The following L3MBTL4 variants were observed in gnomAD, a reference collection of about 807,000 sequenced individuals.
The protein encoded by L3MBTL4 is L3MBTL histone methyl-lysine binding protein 4.
In L3MBTL4, 70 loss-of-function variants were observed where a neutral mutation model predicts 84.5. That is an observed-to-expected ratio of 0.83 (90% CI 0.68 to 1.01). The LOEUF (loss-of-function observed/expected upper bound fraction) is 1.01, where lower values mean the gene tolerates loss of function less well. L3MBTL4 is among the 50% of genes least tolerant of loss of function. The pLI, the probability that L3MBTL4 is intolerant of heterozygous loss-of-function variation, is 0.00. For synonymous variants in L3MBTL4, 274 were observed against 259.8 expected, an observed-to-expected ratio of 1.05 and a Z score of -0.52; for missense variants, 715 against 754.8, an observed-to-expected ratio of 0.95 and a Z score of 0.62.
chr18:6,037,037 A>C (rs1023902406), intron 16 of L3MBTL4, among the ~76,000 whole-genome samples: 3 of 152,230 alleles, frequency 2.0e-5, no homozygotes, highest in Non-Finnish European at 2.9e-5. Flanking sequence ...GAGTCACTTC[A>C]GTTGGTGGGG....
At chr18:6,169,823 T>TA in intron 13 of L3MBTL4, among the ~76,000 whole-genome samples, 1 of 150,716 alleles carries the variant, frequency 6.6e-6, no homozygotes, top group East Asian at 1.9e-4. Flanking sequence ...AAACTTAAAG[T>TA]ATAATAATAA....
At chr18:6,207,235 G>A (rs2145727710) in intron 12 of L3MBTL4, among the ~76,000 whole-genome samples, 1 of 152,214 alleles carries the variant, frequency 6.6e-6, no homozygotes, top group East Asian at 1.9e-4. Flanking sequence ...AGACCACATG[G>A]CCCACAAAGC....
At chr18:6,369,520 C>T (rs1392293235) in intron 1 of L3MBTL4, among the ~76,000 whole-genome samples, 2 of 152,046 alleles carry the variant, frequency 1.3e-5, no homozygotes, top group Non-Finnish European at 2.9e-5. Flanking sequence ...AGGGATCACT[C>T]TATACAAGGG....
intron 4 of L3MBTL4, among the ~76,000 whole-genome samples, chr18:6,275,205 A>T (rs2049031161): frequency 2.0e-5 from 3 of 152,228 alleles, no homozygotes; most frequent in South Asian, 4.2e-4. Flanking sequence ...GAGCCTAGTG[A>T]CCTGCAGCAT....
intron 1 of L3MBTL4, among the ~76,000 whole-genome samples, chr18:6,353,665 A>AT (rs1322274559): frequency 2.0e-5 from 3 of 152,128 alleles, no homozygotes; most frequent in Non-Finnish European, 4.4e-5. Context: ...CTGAAAGAGA[A>AT]TTTTTTTAAA....
chr18:5,956,399 T>G lies in L3MBTL4; in HGVS notation c.1678-12A>C, dbSNP rs1157084810. The G allele has an allele frequency of 6.2e-7, 1 of 1,612,142 alleles. No homozygotes were observed. The highest frequency in any genetic ancestry group is 8.5e-7 in the Non-Finnish European group (1 of 1,179,248). ...TTGCCATCGATCTGCTGCAAATACA[T>G]AAATAGACACAAATAAAAATGTTTT... On this transcript the variant is annotated splice_polypyrimidine_tract_variant and intron_variant, in intron 18 of 18. Coordinates refer to ENST00000317931, the MANE Select transcript of L3MBTL4 (RefSeq NM_001330559.2).
intron 5 of L3MBTL4, among the ~76,000 whole-genome samples, chr18:6,255,372 C>T (rs1392043375): frequency 6.6e-6 from 1 of 152,230 alleles, no homozygotes; most frequent in African/African-American, 2.4e-5. Context: ...TTCAGATCTG[C>T]TCAACTATTT....
chr18:6,052,967 G>A (rs906276682), intron 16 of L3MBTL4, among the ~76,000 whole-genome samples: 1 of 152,200 alleles, frequency 6.6e-6, no homozygotes, highest in African/African-American at 2.4e-5. Flanking sequence ...CCAGCAGGAC[G>A]TCCCGTTAAT....
intron 12 of L3MBTL4, among the ~76,000 whole-genome samples, chr18:6,188,490 G>A (rs970158567): frequency 1.3e-5 from 2 of 152,154 alleles, no homozygotes; most frequent in Non-Finnish European, 2.9e-5. Context: ...TGAACTCACT[G>A]TGGATACTAA....
At chr18:6,322,278 C>A (rs1287012913) in intron 1 of L3MBTL4, among the ~76,000 whole-genome samples, 1 of 151,484 alleles carries the variant, frequency 6.6e-6, no homozygotes, top group African/African-American at 2.4e-5. Flanking sequence ...GTCAAGACTT[C>A]AGTGAGCCAG....
intron 1 of L3MBTL4, among the ~76,000 whole-genome samples, chr18:6,398,818 G>T (rs4798442): frequency 0.64 from 96,444 of 151,592 alleles, 31,151 homozygotes; most frequent in East Asian, 0.8. Flanking sequence ...GTAGAGGCCC[G>T]AAAGACATGC....
chr18:6,027,620 C>G (rs544706298), intron 16 of L3MBTL4, among the ~76,000 whole-genome samples: 6 of 152,338 alleles, frequency 3.9e-5, no homozygotes, highest in Non-Finnish European at 7.3e-5. Flanking sequence ...ACACTGTCTT[C>G]CACAACGGTT....
intron 16 of L3MBTL4, among the ~76,000 whole-genome samples, chr18:5,983,172 A>G (rs2053314408): frequency 6.6e-6 from 1 of 152,210 alleles, no homozygotes; most frequent in African/African-American, 2.4e-5. Flanking sequence ...TTGTAACGAT[A>G]TGGTAAGCCT....
chr18:6,134,034 G>A (rs555981586), intron 14 of L3MBTL4, among the ~76,000 whole-genome samples: 10 of 152,288 alleles, frequency 6.6e-5, no homozygotes, highest in Non-Finnish European at 8.8e-5. Context: ...AGGAAAAAGA[G>A]GTTCAGTTGG....
At chr18:6,006,730 T>C (rs1668979774) in intron 16 of L3MBTL4, among the ~76,000 whole-genome samples, 1 of 152,124 alleles carries the variant, frequency 6.6e-6, no homozygotes, top group African/African-American at 2.4e-5. Context: ...CTTCAATAGT[T>C]AAATAATGTG....
intron 1 of L3MBTL4, among the ~76,000 whole-genome samples, chr18:6,371,629 T>A (rs1334951934): frequency 6.6e-6 from 1 of 152,198 alleles, no homozygotes; most frequent in Admixed American, 6.5e-5. Flanking sequence ...CCCCAAATGT[T>A]ACTGAATTGT....
chr18:6,139,407 C>A (rs772898259), intron 13 of L3MBTL4, among the ~76,000 whole-genome samples: 8 of 152,070 alleles, frequency 5.3e-5, no homozygotes, highest in Non-Finnish European at 1.0e-4. Context: ...GCCCAAGAGG[C>A]AGTCTACATC....
rs551563044 is a variant in L3MBTL4 at position 6,028,340 on chromosome 18, G to T, written c.1444+52541C>A. 2.0e-5 allele frequency among the ~76,000 whole-genome samples: 3 copies of T among 152,254 alleles called. No homozygotes were observed. The South Asian group carries it at 6.2e-4, about 32-fold the overall frequency. Reference sequence around the variant, plus strand: ...TTGTCAGGTTTGTTGAAGATCAAATGGTTGTAGATGTGTGGTGTTATTTCT... The same window carrying T: ...TTGTCAGGTTTGTTGAAGATCAAATTGTTGTAGATGTGTGGTGTTATTTCT... On this transcript the variant is annotated intron_variant, in intron 16 of 18. Transcript: ENST00000317931.
chr18:6,077,508 A>C (rs1030799979), intron 16 of L3MBTL4, among the ~76,000 whole-genome samples: 4 of 152,180 alleles, frequency 2.6e-5, no homozygotes, highest in African/African-American at 9.7e-5. Context: ...GGTAGTCTTT[A>C]AAATATTTTT....
Sources: gnomAD v4.1 joint callset for allele counts (sites outside exome capture counted in the v4.1 genomes callset) on GRCh38, gnomAD v4.1.1 for gene constraint, MANE v1.5 for transcripts, NCBI Gene and HGNC (gene_info 2026-07-23, HGNC 2026-07-21) for gene names.